HSD17B12: variants seen among roughly 807,000 people sequenced by gnomAD.
HSD17B12 encodes hydroxysteroid 17-beta dehydrogenase 12.
Under a neutral mutation model 39.3 loss-of-function variants are expected in HSD17B12, and 32 were observed. The ratio of observed to expected loss-of-function variants is 0.81; its 90% CI spans 0.61 to 1.09. The LOEUF (loss-of-function observed/expected upper bound fraction) is 1.09, where lower values mean the gene tolerates loss of function less well. Ranked by LOEUF, HSD17B12 falls within the 50% of genes least tolerant of loss-of-function variation. The pLI is 0.00. For missense variants in HSD17B12, 342 were observed against 382.9 expected, an observed-to-expected ratio of 0.89 and a Z score of 0.89; for synonymous variants, 150 against 146.7, an observed-to-expected ratio of 1.02 and a Z score of -0.16.
chr11:43,587,609 C>T, the HSD17B12 span, among the ~76,000 whole-genome samples: 6 of 152,258 alleles, frequency 3.9e-5, no homozygotes, highest in South Asian at 1.2e-3. Context: ...AACAGCAGCT[C>T]GTAACTGAGA....
chr11:43,716,098 A>G (rs1950120322), intron 1 of HSD17B12, among the ~76,000 whole-genome samples: 1 of 152,228 alleles, frequency 6.6e-6, no homozygotes, highest in Non-Finnish European at 1.5e-5. Context: ...CCTGAAACTT[A>G]ACTTAATTTA....
chr11:43,582,085 TCTTCCTCCCGCGCCTG>T, the HSD17B12 span, among the ~76,000 whole-genome samples: 2 of 152,224 alleles, frequency 1.3e-5, no homozygotes, highest in Non-Finnish European at 2.9e-5. Flanking sequence ...CCCCGGAGTC[TCTTCCTCCCGCGCCTG>T]CTTCCAACCT....
intron 6 of HSD17B12, among the ~76,000 whole-genome samples, chr11:43,823,016 T>G (rs937390228): frequency 6.6e-6 from 1 of 152,176 alleles, no homozygotes; most frequent in African/African-American, 2.4e-5. Context: ...TAAGTCAATT[T>G]GAAATTTAAT....
At chr11:43,791,391 G>A (rs1371702274) in intron 3 of HSD17B12, among the ~76,000 whole-genome samples, 15 of 152,218 alleles carry the variant, frequency 9.9e-5, no homozygotes, top group African/African-American at 3.4e-4. Flanking sequence ...ACTTAGCTGG[G>A]TGTGGTGGTG....
chr11:43,764,303 C>T (rs1341168058), intron 3 of HSD17B12, among the ~76,000 whole-genome samples: 1 of 152,110 alleles, frequency 6.6e-6, no homozygotes, highest in African/African-American at 2.4e-5. Flanking sequence ...CTGGCCATTT[C>T]TGTGGGGAAT....
the HSD17B12 span, among the ~76,000 whole-genome samples, chr11:43,675,166 C>T: frequency 3.9e-5 from 6 of 152,064 alleles, no homozygotes; most frequent in Non-Finnish European, 8.8e-5. Flanking sequence ...GGTAGATGGA[C>T]AAAGACCTAG....
chr11:43,579,224 G>C, the HSD17B12 span: 2 of 152,238 alleles, frequency 1.3e-5, no homozygotes, highest in African/African-American at 4.8e-5. Context: ...CTCCCGGCCG[G>C]CGCTCGCAGT....
At chr11:43,733,876 G>T in intron 1 of HSD17B12, 1 of 680,072 alleles carries the variant, frequency 1.5e-6, no homozygotes. Context: ...TGCGATCTTT[G>T]ACCAATTCCA....
chr11:43,806,702 G>A (rs1467804708), intron 4 of HSD17B12, among the ~76,000 whole-genome samples: 1 of 152,112 alleles, frequency 6.6e-6, no homozygotes, highest in Non-Finnish European at 1.5e-5. Context: ...TGGTGGGATG[G>A]GAATAAAGAG....
At chr11:43,759,472 A>G (rs1950538409) in intron 3 of HSD17B12, among the ~76,000 whole-genome samples, 1 of 152,186 alleles carries the variant, frequency 6.6e-6, no homozygotes, top group Non-Finnish European at 1.5e-5. Context: ...GCCATCACAC[A>G]TGTAATAAGC....
chr11:43,842,849 G>T (rs1006545648), intron 9 of HSD17B12, among the ~76,000 whole-genome samples: 1 of 152,186 alleles, frequency 6.6e-6, no homozygotes, highest in Non-Finnish European at 1.5e-5. Flanking sequence ...AGTGACAGAA[G>T]GTAGCATTAG....
chr11:43,742,139 A>ATATT (rs61178234), intron 1 of HSD17B12, among the ~76,000 whole-genome samples: 1,678 of 123,310 alleles, frequency 0.014, 22 homozygotes, highest in East Asian at 0.065. Context: ...ATATATATAT[A>ATATT]TTTTTTTTTT....
the HSD17B12 span, among the ~76,000 whole-genome samples, chr11:43,666,979 C>T: frequency 5.9e-5 from 9 of 152,288 alleles, no homozygotes; most frequent in African/African-American, 2.2e-4. Context: ...TCTTTATTCC[C>T]TGCAGATAGC....
the HSD17B12 span, among the ~76,000 whole-genome samples, chr11:43,641,835 C>G: frequency 6.6e-6 from 1 of 151,826 alleles, no homozygotes; most frequent in Non-Finnish European, 1.5e-5. Flanking sequence ...AAGCAGATTA[C>G]AAGTGCAATT....
At position 43,689,202 on chromosome 11, in the gene HSD17B12, C is replaced by T. The variant is rs943478509; in HGVS notation, c.160+8215C>T. Among the ~76,000 whole-genome samples, 8 of 152,208 alleles carry T rather than the reference C, an allele frequency of 5.3e-5. No individual in the cohort carries two copies. In the East Asian group the frequency reaches 1.5e-3, roughly 29 times the overall value. On this transcript the variant is annotated intron_variant, in intron 1 of 10. Coordinates refer to ENST00000278353, the MANE Select transcript of HSD17B12 (RefSeq NM_016142.3). ...TTGGTTATTTATAATTTTTCAATTA[C>T]ATTTGTAAAAACCTTAGAGTTATCT...
chr11:43,593,808 A>G, the HSD17B12 span, among the ~76,000 whole-genome samples: 1 of 152,272 alleles, frequency 6.6e-6, no homozygotes, highest in Non-Finnish European at 1.5e-5. Flanking sequence ...GAAAAAGGAA[A>G]GAAAAAATCT....
chr11:43,833,169 A>C (rs1369564860), intron 7 of HSD17B12: 1 of 152,218 alleles, frequency 6.6e-6, no homozygotes, highest in Non-Finnish European at 1.5e-5. Flanking sequence ...GCTAGTGAGA[A>C]ATATATGTGG....
the HSD17B12 span, among the ~76,000 whole-genome samples, chr11:43,620,193 C>T: frequency 6.6e-6 from 1 of 152,190 alleles, no homozygotes; most frequent in Non-Finnish European, 1.5e-5. Context: ...TAAACACCAC[C>T]ATTTATTAAG....
the HSD17B12 span, among the ~76,000 whole-genome samples, chr11:43,669,512 AAAG>A: frequency 6.6e-6 from 1 of 152,106 alleles, no homozygotes; most frequent in South Asian, 2.1e-4. Context: ...AAAAAAAAAA[AAAG>A]AATAGCAATT....
Sources: gnomAD v4.1 joint callset for allele counts (sites outside exome capture counted in the v4.1 genomes callset) on GRCh38, gnomAD v4.1.1 for gene constraint, MANE v1.5 for transcripts, NCBI Gene and HGNC (gene_info 2026-07-23, HGNC 2026-07-21) for gene names.